HKDC1: variants seen among roughly 807,000 people sequenced by gnomAD.
HKDC1 encodes the protein hexokinase HKDC1.
Under a neutral mutation model 96.6 loss-of-function variants are expected in HKDC1, and 66 were observed. That is an observed-to-expected ratio of 0.68 (90% CI 0.56 to 0.84). The LOEUF is 0.84. Among genes scored for constraint, HKDC1 ranks in the 40% least tolerant of loss-of-function variants. The probability of loss-of-function intolerance (pLI) is 0.00; values close to 1 mark genes in which losing one functional copy is unlikely to be tolerated. For missense variants in HKDC1, 1,211 were observed against 1,208.1 expected, an observed-to-expected ratio of 1.00 and a Z score of -0.04; for synonymous variants, 466 against 473.1, an observed-to-expected ratio of 0.98 and a Z score of 0.20.
At chr10:69,239,194 G>T in intron 5 of HKDC1, 57 bp downstream of exon 5, 1 of 1,379,000 alleles carries the variant, frequency 7.3e-7, no homozygotes, top group Non-Finnish European at 1.0e-6. Flanking sequence ...TTTCTCTTGG[G>T]TTGGTGGGGC....
chr10:69,263,612 G>A (rs778383437), intron 16 of HKDC1, among the ~76,000 whole-genome samples: 9 of 152,146 alleles, frequency 5.9e-5, no homozygotes, highest in Non-Finnish European at 1.0e-4. Flanking sequence ...TTTATGCTGC[G>A]TGACCTGGGG....
rs1372823899 is a variant in HKDC1 at position 69,266,906 on chromosome 10, G to C, written c.*149G>C. On this transcript the variant is annotated 3_prime_UTR_variant, in exon 18 of 18. Coordinates refer to ENST00000354624, the MANE Select transcript of HKDC1 (RefSeq NM_025130.4). ...AACCCCAGGTTCTCGGGTACTCTTA[G>C]TATCTTGTACTGGATTTGCAGTGAC... 1.4e-6 allele frequency: 1 copy of C among 703,068 alleles called. No individual in the cohort carries two copies. The highest frequency in any genetic ancestry group is 2.3e-6 in the Non-Finnish European group (1 of 427,614). 43.6% of individuals were successfully genotyped at this position (703,068 alleles called of 1,614,324 possible).
intron 4 of HKDC1, among the ~76,000 whole-genome samples, chr10:69,237,293 G>A (rs946949066): frequency 6.6e-6 from 1 of 151,226 alleles, no homozygotes; most frequent in Non-Finnish European, 1.5e-5. Flanking sequence ...GTGTGTGTGT[G>A]TGTGTGTGTG....
chr10:69,220,876 G>T (rs1331441732), intron 1 of HKDC1, among the ~76,000 whole-genome samples: 1 of 152,230 alleles, frequency 6.6e-6, no homozygotes, highest in Non-Finnish European at 1.5e-5. Flanking sequence ...AAGGCTGGGC[G>T]CAGTGGCTCA....
intron 16 of HKDC1, among the ~76,000 whole-genome samples, chr10:69,263,724 T>C (rs1036462961): frequency 1.3e-5 from 2 of 152,178 alleles, no homozygotes; most frequent in Non-Finnish European, 2.9e-5. Flanking sequence ...AGGAAGGGAA[T>C]GTACTTGAAC....
intron 6 of HKDC1, among the ~76,000 whole-genome samples, chr10:69,242,764 T>C (rs1843473600): frequency 6.6e-6 from 1 of 152,202 alleles, no homozygotes; most frequent in African/African-American, 2.4e-5. Flanking sequence ...AGGCCATAAG[T>C]AAAGAATATT....
intron 12 of HKDC1, among the ~76,000 whole-genome samples, chr10:69,252,718 G>A (rs547981481): frequency 6.6e-6 from 1 of 151,734 alleles, no homozygotes; most frequent in South Asian, 2.1e-4. Context: ...GAGAGTATGA[G>A]GTGGGAGGAT....
In HKDC1 at chr10:69,257,023, T is replaced by C; in HGVS notation, c.1837-13T>C. ...AACTATTGCTCAAATGAATTTCCCC[T>C]CCTTTCTTTCAGGGAACACTCATAG... is the stretch of plus-strand genomic sequence containing the variant. On this transcript the variant is annotated splice_polypyrimidine_tract_variant and intron_variant, in intron 12 of 17. Transcript: ENST00000354624. 6.2e-7 allele frequency: 1 copy of C among 1,602,224 alleles called. No homozygotes were observed. The highest frequency in any genetic ancestry group is 8.6e-7 in the Non-Finnish European group (1 of 1,169,176).
intron 7 of HKDC1, among the ~76,000 whole-genome samples, chr10:69,243,597 A>G (rs1017828455): frequency 2.0e-5 from 3 of 151,608 alleles, no homozygotes; most frequent in Non-Finnish European, 4.4e-5. Context: ...TCCAGGCTCA[A>G]GCAATCCTCC....
chr10:69,258,841 G>T lies in HKDC1; in HGVS notation c.2098G>T (p.Gly700Trp), dbSNP rs1564736832. The change falls in exon 15 of 18, where the codon GGG becomes TGG. Residue 700 changes from glycine (G) to tryptophan (W), a missense_variant. Physicochemically the swap from Gly to Trp is radical, Grantham distance 184. Coordinates refer to ENST00000354624, the MANE Select transcript of HKDC1 (RefSeq NM_025130.4). The stretch of plus-strand genomic sequence containing the variant: ...CATCGAGATGGTGGAGGGGGGTGAA[G>T]GGAAGATGTGCATCAATACAGAGTG... Reference protein sequence around the residue: ...RNIEMVEGGEGKMCINTEWGG... With the variant: ...RNIEMVEGGEWKMCINTEWGG... 6.2e-7 allele frequency: 1 copy of T among 1,614,102 alleles called. No homozygotes were observed.
At position 69,243,255 on chromosome 10, in the gene HKDC1, G is replaced by A. The variant is rs1843482508; in HGVS notation, c.765G>A (p.Met255Ile). ...TGGTGGAGGGCGACGAGGGCAGGAT[G>A]TGCATCAACACAGAGTGGGGGGCCT... is the stretch of plus-strand genomic sequence containing the variant. ...IDLVEGDEGR[M>I]CINTEWGAFG... The change falls in exon 7 of 18, where the codon ATG becomes ATA. Residue 255 changes from methionine to isoleucine, a missense_variant. Coordinates refer to ENST00000354624, the MANE Select transcript of HKDC1 (RefSeq NM_025130.4). 2 of 1,614,200 alleles carry A rather than the reference G, an allele frequency of 1.2e-6. No individual in the cohort carries two copies. The highest frequency in any genetic ancestry group is 4.5e-5 in the East Asian group (2 of 44,874).
chr10:69,264,456 C>T (rs1248914946), intron 16 of HKDC1, among the ~76,000 whole-genome samples: 1 of 151,802 alleles, frequency 6.6e-6, no homozygotes, highest in Non-Finnish European at 1.5e-5. Flanking sequence ...TCACTGCAAC[C>T]TCAAACTCCT....
At position 69,239,137 on chromosome 10, in the gene HKDC1, G is replaced by C. The variant is rs755319669; in HGVS notation, c.591G>C (p.Lys197Asn). The change falls in exon 5 of 18, where the codon AAG (lysine) becomes AAC (asparagine). Residue 197 changes from lysine (K) to asparagine (N), a missense_variant and splice_region_variant. Transcript: ENST00000354624. ...TGACCAAAGCCATGAGAAGACACAAGGTGAGGAATTCACCTCGGTGTGGGA... is the reference window on the plus strand; with the variant it reads ...TGACCAAAGCCATGAGAAGACACAACGTGAGGAATTCACCTCGGTGTGGGA... ...SRLTKAMRRHKDMDVDILALV... is the reference protein window; with the variant it reads ...SRLTKAMRRHNDMDVDILALV... 6.2e-7 allele frequency: 1 copy of C among 1,612,400 alleles called. No homozygotes were observed. The highest frequency in any genetic ancestry group is 8.5e-7 in the Non-Finnish European group (1 of 1,178,684).
intron 8 of HKDC1, among the ~76,000 whole-genome samples, chr10:69,246,668 T>G (rs1343030742): frequency 6.6e-6 from 1 of 152,230 alleles, no homozygotes; most frequent in Non-Finnish European, 1.5e-5. Flanking sequence ...TAGCAGAGCC[T>G]TCTCCACCTG....
rs774238377 is a variant in HKDC1 at position 69,227,210 on chromosome 10, G to A, written c.67G>A (p.Asp23Asn). The A allele has an allele frequency of 1.2e-6, 2 of 1,614,162 alleles. No individual in the cohort carries two copies. Among genetic ancestry groups the A allele is most frequent in the East Asian group, 2.2e-5 (1 of 44,888 alleles). Reference sequence around the variant, plus strand: ...TGGTGGCCGGTGTCTGTTCCAGGTGGACAGGTTCCTGTATCACATGCGGCT... The same window carrying A: ...TGGTGGCCGGTGTCTGTTCCAGGTGAACAGGTTCCTGTATCACATGCGGCT... ...KLKEDQIKKV[D>N]RFLYHMRLSD... Residue 23 changes from aspartate (D) to asparagine (N), a missense_variant, in exon 2 of 18, where the codon GAC becomes AAC. Physicochemically the swap from Asp to Asn is conservative, Grantham distance 23 (BLOSUM62 1). Transcript: ENST00000354624.
intron 17 of HKDC1, among the ~76,000 whole-genome samples, 200 bp from the exon 18 acceptor site, chr10:69,266,410 C>CTG (rs1843898851): frequency 6.7e-6 from 1 of 149,642 alleles, no homozygotes; most frequent in African/African-American, 2.5e-5. Flanking sequence ...CTGCAGTGGG[C>CTG]TGTGATTGCA....
intron 15 of HKDC1, among the ~76,000 whole-genome samples, chr10:69,259,800 T>G (rs1411455664): frequency 6.6e-6 from 1 of 152,036 alleles, no homozygotes; most frequent in East Asian, 1.9e-4. Flanking sequence ...TAACCAGATC[T>G]TGTGAGAACC....
At chr10:69,243,044 C>G (rs1843477127) in intron 6 of HKDC1, 138 bp from the exon 7 acceptor site, 3 of 792,346 alleles carry the variant, frequency 3.8e-6, no homozygotes, top group Non-Finnish European at 6.2e-6. Context: ...AAGCTGCTTC[C>G]CTCAGCGAGA....
chr10:69,265,897 A>G, intron 17 of HKDC1, 79 bp downstream of exon 17: 1 of 1,010,126 alleles, frequency 9.9e-7, no homozygotes, highest in Non-Finnish European at 1.5e-6. Context: ...AGCCTCCTGA[A>G]CTGCGGCATG....
Sources: allele counts gnomAD v4.1 joint callset (sites outside exome capture counted in the v4.1 genomes callset), GRCh38; gene constraint gnomAD v4.1.1; transcripts MANE v1.5; gene names NCBI Gene and HGNC (gene_info 2026-07-23, HGNC 2026-07-21).